Variants in METTL4 observed in about 807,000 individuals in gnomAD.
METTL4 encodes the protein methyltransferase 4, N6-adenosine.
Under a neutral mutation model 54.0 loss-of-function variants are expected in METTL4, and 40 were observed. The ratio of observed to expected loss-of-function variants is 0.74; its 90% CI spans 0.58 to 0.96. The LOEUF is 0.96. Among genes scored for constraint, METTL4 ranks in the 50% least tolerant of loss-of-function variants. The pLI, the probability that METTL4 is intolerant of heterozygous loss-of-function variation, is 0.00. For missense variants in METTL4, 525 were observed against 549.0 expected, an observed-to-expected ratio of 0.96 and a Z score of 0.44; for synonymous variants, 169 against 183.8, an observed-to-expected ratio of 0.92 and a Z score of 0.65.
chr18:2,539,474 T>TTTAC (rs1203087694), intron 8 of METTL4, among the ~76,000 whole-genome samples: 1 of 142,482 alleles, frequency 7.0e-6, no homozygotes, highest in South Asian at 2.4e-4. Flanking sequence ...ATTAACTTTA[T>TTTAC]TTATTTAATT....
In METTL4 at chr18:2,554,627, A is replaced by G. The variant is rs765946637; in HGVS notation, c.829+42T>C. The G allele has an allele frequency of 2.6e-6, 4 of 1,564,662 alleles. No individual in the cohort carries two copies. The South Asian group carries it at 3.5e-5, about 14-fold the overall frequency. The stretch of plus-strand genomic sequence containing the variant: ...TAGCTCTTAACTTTTCAGCCCACGG[A>G]AAAATTATCTTTTTCTAATAACAAA... On this transcript the variant is annotated intron_variant, in intron 4 of 8. Coordinates refer to ENST00000574538, the MANE Select transcript of METTL4 (RefSeq NM_022840.5).
At chr18:2,544,130 AC>A in intron 8 of METTL4, 64 bp downstream of exon 8, 1 of 1,292,958 alleles carries the variant, frequency 7.7e-7, no homozygotes, top group Non-Finnish European at 1.1e-6. Context: ...CCGTTTAAAT[AC>A]TAAATGTACA....
At chr18:2,569,175 T>A (rs1279482443) in intron 1 of METTL4, 1 of 152,924 alleles carries the variant, frequency 6.5e-6, no homozygotes, top group African/African-American at 2.4e-5. Flanking sequence ...ATTTAAGCAG[T>A]CTTCATTTTC....
At chr18:2,551,781 G>A (rs1229100955) in intron 5 of METTL4, among the ~76,000 whole-genome samples, 1 of 152,140 alleles carries the variant, frequency 6.6e-6, no homozygotes. Flanking sequence ...GCGTAAGAAA[G>A]GTGAGGATCA....
Position 2,570,753 on chromosome 18 carries a change from A to C in METTL4, c.-439+396T>G, listed in dbSNP as rs116455269. Among the ~76,000 whole-genome samples, 712 of 152,266 alleles carry C rather than the reference A, an allele frequency of 4.7e-3. 9 individuals carry two copies. The highest frequency in any genetic ancestry group is 0.016 in the African/African-American group (681 of 41,540). ...TCAGAGCAGAAAGGCAAGCTGCCCAAAAATAACAACGCTAGTTAATGGCAC... is the reference window on the plus strand; with the variant it reads ...TCAGAGCAGAAAGGCAAGCTGCCCACAAATAACAACGCTAGTTAATGGCAC... On this transcript the variant is annotated intron_variant, in intron 1 of 8. Transcript: ENST00000574538.
intron 5 of METTL4, among the ~76,000 whole-genome samples, chr18:2,552,334 A>G (rs2072174725): frequency 6.6e-6 from 1 of 152,224 alleles, no homozygotes; most frequent in Admixed American, 6.5e-5. Context: ...TTTAAGAATG[A>G]ATTAGACAAA....
At chr18:2,564,266 C>G (rs895988890) in intron 2 of METTL4, among the ~76,000 whole-genome samples, 2 of 149,656 alleles carry the variant, frequency 1.3e-5, no homozygotes, top group Admixed American at 6.6e-5. Flanking sequence ...AAAAAATTAG[C>G]CAGGCATGGT....
intron 4 of METTL4, chr18:2,554,307 G>A (rs2072204086): frequency 5.2e-6 from 1 of 191,582 alleles, no homozygotes; most frequent in South Asian, 1.1e-4. Flanking sequence ...TTTATACAAG[G>A]CTAGGAATGA....
chr18:2,546,462 G>A (rs2072072076), intron 6 of METTL4, among the ~76,000 whole-genome samples: 1 of 152,096 alleles, frequency 6.6e-6, no homozygotes, highest in South Asian at 2.1e-4. Flanking sequence ...ATCCATTAGG[G>A]GTCCTGGAAT....
rs182740930 is a variant in METTL4, at chr18:2,563,672, T to A, written c.459+125A>T. 1.6e-5 allele frequency: 8 copies of A among 509,672 alleles called. No homozygotes were observed. In the East Asian group the frequency reaches 2.5e-4, roughly 16 times the overall value. The allele number at this position is 509,672 out of a possible 1,614,324, so 31.6% of individuals were successfully genotyped here. A position where few individuals can be genotyped will look rare whatever the true frequency, so the allele number is the denominator to read the frequency against. On this transcript the variant is annotated intron_variant, in intron 3 of 8. Transcript: ENST00000574538. ...ACTATAAAATTAACAATAAATATAT[T>A]AAGTGCTAAGCCTGATCAAAATGAT...
intron 3 of METTL4, chr18:2,561,810 T>C (rs893622422): frequency 6.6e-6 from 1 of 152,242 alleles, no homozygotes; most frequent in African/African-American, 2.4e-5. Context: ...TTCTCTAATT[T>C]CATGTAAACT....
At chr18:2,544,618 A>T in intron 7 of METTL4, 35 bp downstream of exon 7, 1 of 1,235,840 alleles carries the variant, frequency 8.1e-7, no homozygotes, top group Non-Finnish European at 1.2e-6. Context: ...AAAAATTAAT[A>T]CATGTATACA....
intron 1 of METTL4, among the ~76,000 whole-genome samples, chr18:2,567,909 A>T (rs1337051017): frequency 1.3e-5 from 2 of 152,236 alleles, no homozygotes; most frequent in Non-Finnish European, 2.9e-5. Context: ...TTACCAGCAC[A>T]TCAGAAGCAC....
chr18:2,570,876 A>G lies in METTL4; in HGVS notation c.-439+273T>C, dbSNP rs1405957068. 2.6e-5 allele frequency among the ~76,000 whole-genome samples: 4 copies of G among 152,200 alleles called. No homozygotes were observed. The East Asian group carries it at 7.7e-4, about 29-fold the overall frequency. On this transcript the variant is annotated intron_variant, in intron 1 of 8. Transcript: ENST00000574538. Reference sequence around the variant, plus strand: ...CCGGGCAGTGCCTGTTTCTGGATTCAAACTCACAGCAGCGAGGAAATCCTA... The same window carrying G: ...CCGGGCAGTGCCTGTTTCTGGATTCGAACTCACAGCAGCGAGGAAATCCTA...
At chr18:2,546,863 T>C (rs2072076934) in intron 6 of METTL4, among the ~76,000 whole-genome samples, 1 of 152,142 alleles carries the variant, frequency 6.6e-6, no homozygotes, top group Non-Finnish European at 1.5e-5. Flanking sequence ...AGTTAAGATT[T>C]AGAGCATAAA....
At chr18:2,553,861 A>C (rs901666312) in intron 4 of METTL4, 1 of 152,190 alleles carries the variant, frequency 6.6e-6, no homozygotes, top group African/African-American at 2.4e-5. Context: ...TTTTCTCATT[A>C]ATTTGTTATC....
chr18:2,559,334 G>C (rs370297736), intron 3 of METTL4, among the ~76,000 whole-genome samples: 6 of 152,168 alleles, frequency 3.9e-5, no homozygotes, highest in East Asian at 3.8e-4. Context: ...TGAAGACATA[G>C]TGAAATAAGC....
chr18:2,542,803 G>T (rs2072012553), intron 8 of METTL4, among the ~76,000 whole-genome samples: 1 of 152,072 alleles, frequency 6.6e-6, no homozygotes, highest in Admixed American at 6.5e-5. Context: ...GTAGACATCT[G>T]TATATGTCTC....
chr18:2,548,014 A>C (rs534376032), intron 5 of METTL4, among the ~76,000 whole-genome samples: 7 of 152,250 alleles, frequency 4.6e-5, no homozygotes, highest in Admixed American at 3.3e-4. Flanking sequence ...CTAGCCCTAG[A>C]ATCCTCAAAC....
Sources: gnomAD v4.1 joint callset for allele counts (sites outside exome capture counted in the v4.1 genomes callset) on GRCh38, gnomAD v4.1.1 for gene constraint, MANE v1.5 for transcripts, NCBI Gene and HGNC (gene_info 2026-07-23, HGNC 2026-07-21) for gene names.